DOCK2: variants seen among roughly 807,000 people sequenced by gnomAD.
The protein encoded by DOCK2 is dedicator of cytokinesis protein 2.
Under a neutral mutation model 248.9 loss-of-function variants are expected in DOCK2, and 87 were observed. The observed-to-expected ratio is 0.35, with a 90% CI of 0.29 to 0.42. The LOEUF (loss-of-function observed/expected upper bound fraction) is 0.42, where lower values mean the gene tolerates loss of function less well. DOCK2 is among the 10% of genes least tolerant of loss of function. DOCK2 has a pLI of 1.00. For synonymous variants in DOCK2, 805 were observed against 821.6 expected (o/e 0.98, Z 0.35); for missense variants, 1,747 against 2,300.2 (o/e 0.76, Z 4.92).
intron 32 of DOCK2, among the ~76,000 whole-genome samples, chr5:170,015,562 G>GTTT (rs574927254): frequency 3.9e-4 from 47 of 120,670 alleles, no homozygotes; most frequent in African/African-American, 1.7e-3. Flanking sequence ...CTGATTTTAG[G>GTTT]TTTTTTTTGT....
intron 27 of DOCK2, among the ~76,000 whole-genome samples, chr5:169,871,154 C>T (rs1299688358): frequency 1.3e-5 from 2 of 152,194 alleles, no homozygotes; most frequent in Non-Finnish European, 2.9e-5. Context: ...CTCCAAATAT[C>T]ATCACATGGG....
intron 29 of DOCK2, 74 bp downstream of exon 29, chr5:169,985,996 T>C: frequency 7.6e-7 from 1 of 1,318,668 alleles, no homozygotes; most frequent in Non-Finnish European, 1.0e-6. Context: ...TTGGGTTAAA[T>C]TAGGGACAAT....
intron 27 of DOCK2, among the ~76,000 whole-genome samples, chr5:169,940,050 G>T (rs1375751696): frequency 6.6e-6 from 1 of 152,188 alleles, no homozygotes; most frequent in African/African-American, 2.4e-5. Flanking sequence ...TTTTCTCACT[G>T]TGTCATCTAG....
chr5:169,992,726 G>A (rs1012276173), intron 29 of DOCK2, among the ~76,000 whole-genome samples: 7 of 152,038 alleles, frequency 4.6e-5, no homozygotes, highest in African/African-American at 1.4e-4. Flanking sequence ...GCCTCCCAAA[G>A]TGCTGGGATT....
chr5:169,638,050 A>G (rs1255243373), intron 1 of DOCK2, among the ~76,000 whole-genome samples: 1 of 152,038 alleles, frequency 6.6e-6, no homozygotes, highest in African/African-American at 2.4e-5. Flanking sequence ...TGGCTGGGGG[A>G]AGGGAGGCCT....
intron 33 of DOCK2, among the ~76,000 whole-genome samples, chr5:170,019,481 G>A (rs575368028): frequency 5.1e-4 from 78 of 152,026 alleles, no homozygotes; most frequent in African/African-American, 1.8e-3. Flanking sequence ...CTGACTCTGC[G>A]GATCTACATT....
At chr5:169,931,470 G>A (rs1465948052) in intron 27 of DOCK2, among the ~76,000 whole-genome samples, 6 of 152,232 alleles carry the variant, frequency 3.9e-5, no homozygotes, top group Admixed American at 2.6e-4. Context: ...AGTGCACTAA[G>A]TTCCTGGCAT....
At chr5:169,714,596 C>T (rs1581083102) in intron 19 of DOCK2, 139 bp downstream of exon 19, 4 of 865,546 alleles carry the variant, frequency 4.6e-6, no homozygotes, top group East Asian at 5.4e-5. Context: ...TCCCGAGTTG[C>T]CTTGAGGAAT....
At chr5:170,056,978 C>T (rs899871234) in intron 43 of DOCK2, 1 of 540,222 alleles carries the variant, frequency 1.9e-6, no homozygotes, top group Non-Finnish European at 3.3e-6. Context: ...AATACAGAAC[C>T]CAGGCCTCAT....
At chr5:169,987,547 C>A (rs1316475605) in intron 29 of DOCK2, among the ~76,000 whole-genome samples, 1 of 152,198 alleles carries the variant, frequency 6.6e-6, no homozygotes, top group Non-Finnish European at 1.5e-5. Context: ...CCTGGCCAGG[C>A]AACTTCCCCT....
chr5:169,778,604 C>T (rs1309948790), intron 25 of DOCK2, among the ~76,000 whole-genome samples: 1 of 152,212 alleles, frequency 6.6e-6, no homozygotes, highest in East Asian at 1.9e-4. Flanking sequence ...AACAGTTGCT[C>T]TGCCCTACTT....
At chr5:169,704,636 G>C (rs1761146965) in intron 14 of DOCK2, among the ~76,000 whole-genome samples, 1 of 152,148 alleles carries the variant, frequency 6.6e-6, no homozygotes, top group African/African-American at 2.4e-5. Flanking sequence ...ACAACTAAAA[G>C]AGTATGATTG....
At chr5:169,788,700 G>T (rs1470903051) in intron 25 of DOCK2, among the ~76,000 whole-genome samples, 3 of 152,078 alleles carry the variant, frequency 2.0e-5, no homozygotes, top group Non-Finnish European at 4.4e-5. Flanking sequence ...TTGGACTAAG[G>T]TAATGTATAA....
chr5:170,013,558 A>G (rs1337449508), intron 32 of DOCK2, among the ~76,000 whole-genome samples: 2 of 151,998 alleles, frequency 1.3e-5, no homozygotes, highest in East Asian at 3.9e-4. Context: ...AGGGGCCATG[A>G]ACCAAGGAAT....
intron 26 of DOCK2, among the ~76,000 whole-genome samples, chr5:169,811,336 C>G (rs548983195): frequency 6.6e-6 from 1 of 152,318 alleles, no homozygotes; most frequent in South Asian, 2.1e-4. Flanking sequence ...CTTTGCATTA[C>G]TGTTTAATTC....
At chr5:169,900,916 G>A (rs1265251037) in intron 27 of DOCK2, among the ~76,000 whole-genome samples, 1 of 152,146 alleles carries the variant, frequency 6.6e-6, no homozygotes, top group Non-Finnish European at 1.5e-5. Context: ...ATCTAGAACT[G>A]TCTTCACCTT....
chr5:169,774,410 C>T (rs1376952230), intron 25 of DOCK2, among the ~76,000 whole-genome samples: 1 of 152,116 alleles, frequency 6.6e-6, no homozygotes, highest in Non-Finnish European at 1.5e-5. Context: ...GGTGAGGAAA[C>T]TGATAAGGAG....
At chr5:169,881,271 C>T in intron 27 of DOCK2, 2 of 985,058 alleles carry the variant, frequency 2.0e-6, no homozygotes, top group Admixed American at 2.3e-5. Flanking sequence ...CTTGTTTTTG[C>T]CTCTCTTGAC....
chr5:169,837,848 T>C (rs536797950), intron 26 of DOCK2, among the ~76,000 whole-genome samples: 13 of 152,270 alleles, frequency 8.5e-5, no homozygotes, highest in African/African-American at 3.1e-4. Context: ...TTGACAGTTT[T>C]CTACTTTTAA....
Sources: gnomAD v4.1 joint callset for allele counts (sites outside exome capture counted in the v4.1 genomes callset) on GRCh38, gnomAD v4.1.1 for gene constraint, MANE v1.5 for transcripts, NCBI Gene and HGNC (gene_info 2026-07-23, HGNC 2026-07-21) for gene names.